Variants in CTNNA2 observed in about 807,000 individuals in gnomAD.
CTNNA2 encodes catenin alpha 2.
In CTNNA2, 42 loss-of-function variants were observed where a neutral mutation model predicts 101.0. The observed-to-expected ratio is 0.42, with a 90% confidence interval of 0.32 to 0.54. CTNNA2 has a LOEUF of 0.54. Ranked by LOEUF, CTNNA2 falls within the 20% of genes least tolerant of loss-of-function variation. CTNNA2 has a pLI of 0.14. For missense variants in CTNNA2, 871 were observed against 1,223.1 expected (o/e 0.71, Z 4.29); for synonymous variants, 450 against 456.4 (o/e 0.99, Z 0.18).
chr2:80,460,756 T>C (rs1443722963), intron 9 of CTNNA2, among the ~76,000 whole-genome samples: 1 of 152,208 alleles, frequency 6.6e-6, no homozygotes, highest in Admixed American at 6.5e-5. Context: ...AAATATCTTG[T>C]ACATTCCCAT....
intron 14 of CTNNA2, 108 bp from the exon 15 acceptor site, chr2:80,589,195 TC>T: frequency 9.2e-7 from 1 of 1,088,006 alleles, no homozygotes; most frequent in Non-Finnish European, 1.3e-6. Flanking sequence ...GCAGGGTAGC[TC>T]ATAAGCCTTT....
At chr2:79,996,624 C>A (rs1468931173) in intron 7 of CTNNA2, among the ~76,000 whole-genome samples, 3 of 152,112 alleles carry the variant, frequency 2.0e-5, no homozygotes, top group Admixed American at 6.5e-5. Context: ...AGCACTTATA[C>A]AAAGGAGAGA....
At chr2:79,480,383 T>C (rs1671096346) in intron 4 of CTNNA2, among the ~76,000 whole-genome samples, 1 of 152,194 alleles carries the variant, frequency 6.6e-6, no homozygotes, top group African/African-American at 2.4e-5. Context: ...TCTCACTGTA[T>C]GCATGTAGAG....
At chr2:80,336,868 G>A (rs1310291183) in intron 7 of CTNNA2, among the ~76,000 whole-genome samples, 1 of 152,158 alleles carries the variant, frequency 6.6e-6, no homozygotes, top group African/African-American at 2.4e-5. Flanking sequence ...CAAAGTCAAG[G>A]AAATGCACTC....
chr2:79,572,019 G>C (rs1053919380), intron 1 of CTNNA2, among the ~76,000 whole-genome samples: 1 of 152,098 alleles, frequency 6.6e-6, no homozygotes, highest in Non-Finnish European at 1.5e-5. Context: ...TTGATTTGGT[G>C]CTTAATTATG....
chr2:79,816,992 G>C (rs1677558965), intron 3 of CTNNA2, among the ~76,000 whole-genome samples: 1 of 150,878 alleles, frequency 6.6e-6, no homozygotes, highest in Admixed American at 6.6e-5. Context: ...TTGGCATTTT[G>C]TTTCTTTTTT....
intron 7 of CTNNA2, among the ~76,000 whole-genome samples, chr2:79,963,070 CAAAAAAAAAAAAAAA>C (rs56764501): frequency 2.1e-4 from 14 of 66,198 alleles, no homozygotes; most frequent in African/African-American, 8.9e-4. Flanking sequence ...GACTCCGTCT[CAAAAAAAAAAAAAAA>C]AAAAAAAAAA....
intron 9 of CTNNA2, among the ~76,000 whole-genome samples, chr2:80,537,286 T>C (rs537017724): frequency 8.1e-4 from 123 of 152,338 alleles, no homozygotes; most frequent in African/African-American, 2.6e-3. Flanking sequence ...TAGTATTCTG[T>C]GGTGTATATG....
rs116041868 is a variant in CTNNA2, at chr2:80,465,184, G to A, written c.1290+45583G>A. Among the ~76,000 whole-genome samples the A allele has an allele frequency of 8.2e-3, 1,251 of 152,190 alleles. 7 individuals carry two copies. The highest frequency in any genetic ancestry group is 0.013 in the Non-Finnish European group (879 of 68,006). On this transcript the variant is annotated intron_variant, in intron 9 of 18. Transcript: ENST00000402739. ...AGGTAGGCTCTCTATAAGTACTGGT[G>A]AATTAATCTTTTCAACCTCCTGCTC...
rs1456245339 is a variant in CTNNA2 at position 79,242,991 on chromosome 2, T to TACAC, written c.-406+44916_-406+44917insCACA. ...CGAAATATATATATATATATATATA[T>TACAC]ATACACACACACACACACACACACA... On this transcript the variant is annotated intron_variant, in intron 2 of 21. Transcript: ENST00000466387. Among the ~76,000 whole-genome samples, 72 of 120,938 alleles carry TACAC rather than the reference T, an allele frequency of 6.0e-4. 2 individuals are homozygous for TACAC. The highest frequency in any genetic ancestry group is 5.0e-3 in the Admixed American group (58 of 11,540). The allele number at this position is 120,938 out of a possible 152,430, so 79.3% of individuals were successfully genotyped here.
At chr2:80,575,765 T>C (rs2149706269) in intron 13 of CTNNA2, among the ~76,000 whole-genome samples, 1 of 152,156 alleles carries the variant, frequency 6.6e-6, no homozygotes, top group Admixed American at 6.6e-5. Flanking sequence ...TACTAATTCA[T>C]GAGCTGTAAC....
At chr2:79,983,122 A>T (rs1047665620) in intron 7 of CTNNA2, among the ~76,000 whole-genome samples, 1 of 149,926 alleles carries the variant, frequency 6.7e-6, no homozygotes, top group African/African-American at 2.4e-5. Flanking sequence ...CAACAGTTTT[A>T]TATATATATG....
chr2:80,003,924 G>A (rs1693142143), intron 7 of CTNNA2, among the ~76,000 whole-genome samples: 1 of 152,182 alleles, frequency 6.6e-6, no homozygotes, highest in Admixed American at 6.5e-5. Flanking sequence ...AGGGAAGGAT[G>A]AGGATGTAAG....
chr2:79,380,260 CTTT>C (rs34858563), intron 4 of CTNNA2, among the ~76,000 whole-genome samples: 1 of 147,214 alleles, frequency 6.8e-6, no homozygotes, highest in Non-Finnish European at 1.5e-5. Flanking sequence ...TCTTTTCTTT[CTTT>C]TTTTTTTTCC....
chr2:79,661,530 G>A (rs1682035691), intron 2 of CTNNA2, among the ~76,000 whole-genome samples: 1 of 152,176 alleles, frequency 6.6e-6, no homozygotes, highest in Non-Finnish European at 1.5e-5. Flanking sequence ...AAGATACTAA[G>A]GCCCAGTTCA....
intron 9 of CTNNA2, among the ~76,000 whole-genome samples, chr2:80,445,239 T>G (rs1682970576): frequency 6.6e-6 from 1 of 152,118 alleles, no homozygotes; most frequent in South Asian, 2.1e-4. Flanking sequence ...TGGAGTGCAG[T>G]GGCCCAATCA....
chr2:79,353,565 C>A (rs1677440311), intron 3 of CTNNA2, among the ~76,000 whole-genome samples: 2 of 152,120 alleles, frequency 1.3e-5, no homozygotes, highest in African/African-American at 2.4e-5. Context: ...AGTGTCATTG[C>A]ATGTGGAATG....
chr2:80,191,466 C>T (rs1410316000), intron 7 of CTNNA2, among the ~76,000 whole-genome samples: 1 of 152,300 alleles, frequency 6.6e-6, no homozygotes, highest in South Asian at 2.1e-4. Flanking sequence ...AGGAGATTGA[C>T]TTCAATTTAG....
intron 4 of CTNNA2, among the ~76,000 whole-genome samples, chr2:79,502,840 A>C (rs1466131101): frequency 6.6e-6 from 1 of 152,184 alleles, no homozygotes; most frequent in Non-Finnish European, 1.5e-5. Context: ...AAATGTGTAC[A>C]TGATGACCTG....
Sources: allele counts gnomAD v4.1 joint callset (sites outside exome capture counted in the v4.1 genomes callset), GRCh38; gene constraint gnomAD v4.1.1; transcripts MANE v1.5; gene names NCBI Gene and HGNC (gene_info 2026-07-23, HGNC 2026-07-21).